AQR: variants seen among roughly 807,000 people sequenced by gnomAD.
AQR encodes aquarius intron-binding spliceosomal factor, also known as RNA helicase aquarius.
Under a neutral mutation model 180.5 loss-of-function variants are expected in AQR, and 61 were observed. The observed-to-expected ratio is 0.34, with a 90% CI of 0.28 to 0.42. The LOEUF is 0.42. Ranked by LOEUF, AQR falls within the 10% of genes least tolerant of loss-of-function variation. The pLI is 1.00. For synonymous variants in AQR, 551 were observed against 588.8 expected (o/e 0.94, Z 0.93); for missense variants, 1,281 against 1,798.3 (o/e 0.71, Z 5.20).
chr15:34,967,225 G>A (rs1453155548), intron 1 of AQR, among the ~76,000 whole-genome samples: 3 of 152,034 alleles, frequency 2.0e-5, no homozygotes, highest in Non-Finnish European at 4.4e-5. Context: ...CACACCTTAA[G>A]GTGTGTGTAC....
At chr15:34,910,043 G>A (rs1893475524) in intron 17 of AQR, 92 bp downstream of exon 17, 1 of 1,412,382 alleles carries the variant, frequency 7.1e-7, no homozygotes, top group Non-Finnish European at 9.8e-7. Context: ...AGCTTTAAAG[G>A]ATAACATTTA....
chr15:34,871,082 G>A (rs1437127341), intron 30 of AQR, among the ~76,000 whole-genome samples, 160 bp from the exon 31 acceptor site: 1 of 152,108 alleles, frequency 6.6e-6, no homozygotes, highest in Non-Finnish European at 1.5e-5. Context: ...TAAAACTGAG[G>A]GATAATTTTA....
chr15:34,948,214 T>G (rs1280746691), intron 5 of AQR, 50 bp downstream of exon 5: 3 of 1,579,012 alleles, frequency 1.9e-6, no homozygotes, highest in Non-Finnish European at 2.6e-6. Flanking sequence ...CACTTTGTAA[T>G]GGCTTATGTG....
intron 23 of AQR, among the ~76,000 whole-genome samples, chr15:34,890,568 G>A (rs1893128735): frequency 1.3e-5 from 2 of 152,248 alleles, no homozygotes; most frequent in South Asian, 4.2e-4. Flanking sequence ...AAACGAGAAA[G>A]GCATTGGCTC....
intron 34 of AQR, among the ~76,000 whole-genome samples, chr15:34,859,193 A>T (rs140577786): frequency 1.3e-5 from 2 of 152,176 alleles, no homozygotes; most frequent in Non-Finnish European, 2.9e-5. Flanking sequence ...ATAAATAAAA[A>T]CCTCTCAAAA....
At chr15:34,872,083 G>A (rs1341093885) in intron 30 of AQR, among the ~76,000 whole-genome samples, 2 of 151,944 alleles carry the variant, frequency 1.3e-5, no homozygotes, top group African/African-American at 4.8e-5. Flanking sequence ...GTTCATTTAA[G>A]TTTTCTAGTT....
chr15:34,871,792 T>C lies in AQR; in HGVS notation c.3598-870A>G, dbSNP rs187529793. Among the ~76,000 whole-genome samples the C allele has an allele frequency of 2.0e-5, 3 of 152,196 alleles. No homozygotes were observed. In the East Asian group the frequency reaches 5.8e-4, roughly 29 times the overall value. The stretch of plus-strand genomic sequence containing the variant: ...GGATGTGACCGCAAATTGGTCAGTC[T>C]GGTTTACTGTTAAATTACAGACTAG... On this transcript the variant is annotated intron_variant, in intron 30 of 34. Coordinates refer to ENST00000156471, the MANE Select transcript of AQR (RefSeq NM_014691.3).
In AQR at chr15:34,856,624, C is replaced by T; in HGVS notation, c.*168G>A. On this transcript the variant is annotated 3_prime_UTR_variant, in exon 35 of 35. Transcript: ENST00000156471. The stretch of plus-strand genomic sequence containing the variant: ...ACAAATGAAACTAGAATTGTTCATA[C>T]ACATAATTTAAAAAAATATATTCAA... 1 of 530,202 alleles carries T rather than the reference C, an allele frequency of 1.9e-6. No homozygotes were observed. 32.8% of individuals were successfully genotyped at this position (530,202 alleles called of 1,614,324 possible).
chr15:34,964,867 T>G (rs2140510599), intron 1 of AQR, among the ~76,000 whole-genome samples: 1 of 152,098 alleles, frequency 6.6e-6, no homozygotes, highest in Middle Eastern at 3.4e-3. Flanking sequence ...TTTAAACAAA[T>G]ATATAACTCT....
chr15:34,939,917 T>C (rs1893998070), intron 8 of AQR, among the ~76,000 whole-genome samples: 2 of 152,210 alleles, frequency 1.3e-5, no homozygotes, highest in Admixed American at 6.5e-5. Flanking sequence ...CCCAAAGTCA[T>C]ACAGCAATTG....
chr15:34,860,190 TA>T, intron 33 of AQR, 35 bp from the exon 34 acceptor site: 1 of 1,144,558 alleles, frequency 8.7e-7, no homozygotes. Flanking sequence ...AAGTATCTAG[TA>T]AAACAACCCT....
chr15:34,947,617 C>T (rs1219007873), intron 5 of AQR, among the ~76,000 whole-genome samples: 1 of 151,414 alleles, frequency 6.6e-6, no homozygotes, highest in Non-Finnish European at 1.5e-5. Flanking sequence ...AAAAATATCT[C>T]ATTTGAACAT....
chr15:34,894,441 CA>C (rs1394867770), intron 22 of AQR, among the ~76,000 whole-genome samples: 2 of 151,370 alleles, frequency 1.3e-5, no homozygotes, highest in Non-Finnish European at 2.9e-5. Flanking sequence ...GACATTCTTG[CA>C]TGAAGAAAAA....
At chr15:34,911,810 C>T (rs1180542013) in intron 16 of AQR, among the ~76,000 whole-genome samples, 2 of 152,074 alleles carry the variant, frequency 1.3e-5, no homozygotes, top group Non-Finnish European at 1.5e-5. Flanking sequence ...TCCCCATTTA[C>T]TTATTTTTGC....
chr15:34,918,283 G>A lies in AQR; in HGVS notation c.1317C>T (p.Val439=). ...TEKIIWDENI[V]PTEYYSGEGC... ...CTTCTCCAGAATAGTACTCAGTTGG[G>A]ACAATATTTTCATCCCATATAATTT... is the stretch of plus-strand genomic sequence containing the variant. The change falls in exon 15 of 35, where the codon GTC becomes GTT. Residue 439 remains valine, a synonymous_variant. Transcript: ENST00000156471. The A allele has an allele frequency of 6.2e-7, 1 of 1,613,440 alleles. No homozygotes were observed.
At chr15:34,923,412 C>T (rs1893710863) in intron 13 of AQR, among the ~76,000 whole-genome samples, 1 of 152,094 alleles carries the variant, frequency 6.6e-6, no homozygotes, top group African/African-American at 2.4e-5. Context: ...ATTCTCTTAT[C>T]AATGTCTTTC....
Position 34,879,256 on chromosome 15 carries a change from GC to G in AQR, c.3165+3245del, listed in dbSNP as rs141779494. On this transcript the variant is annotated intron_variant, in intron 27 of 34. Transcript: ENST00000156471. The stretch of plus-strand genomic sequence containing the variant: ...TAGATAAGAAAAGAAACAACTTGCT[GC>G]AAAGCTGAAACTTCCTTTGCTTCTA... Among the ~76,000 whole-genome samples, 9 of 152,278 alleles carry G rather than the reference GC, an allele frequency of 5.9e-5. No individual in the cohort carries two copies. In the South Asian group the frequency reaches 6.2e-4, roughly 11 times the overall value.
chr15:34,919,752 G>A (rs1207821067), intron 14 of AQR, among the ~76,000 whole-genome samples: 1 of 152,004 alleles, frequency 6.6e-6, no homozygotes, highest in African/African-American at 2.4e-5. Context: ...ACAAAAATTA[G>A]CTGGGAGTGG....
chr15:34,900,599 A>G (rs1483104034), intron 20 of AQR, 23 bp downstream of exon 20: 2 of 1,608,172 alleles, frequency 1.2e-6, no homozygotes, highest in East Asian at 4.5e-5. Flanking sequence ...GCTGGAGAGG[A>G]GCGTACCCAG....
Sources: allele counts gnomAD v4.1 joint callset (sites outside exome capture counted in the v4.1 genomes callset), GRCh38; gene constraint gnomAD v4.1.1; transcripts MANE v1.5; gene names NCBI Gene and HGNC (gene_info 2026-07-23, HGNC 2026-07-21).